CAMKMT: variants seen among roughly 807,000 people sequenced by gnomAD.
CAMKMT encodes the protein CaM KMT.
CAMKMT carries 53 observed loss-of-function variants against 48.0 expected under a neutral mutation model. That is an observed-to-expected ratio of 1.10 (90% CI 0.89 to 1.39). CAMKMT has a LOEUF of 1.39. Among genes scored for constraint, CAMKMT ranks in the 40% most tolerant of loss-of-function variants. The pLI, the probability that CAMKMT is intolerant of heterozygous loss-of-function variation, is 0.00. For synonymous variants in CAMKMT, 165 were observed against 152.3 expected, an observed-to-expected ratio of 1.08 and a Z score of -0.61; for missense variants, 428 against 402.7, an observed-to-expected ratio of 1.06 and a Z score of -0.54.
chr2:44,515,835 T>G (rs1261409245), intron 3 of CAMKMT, among the ~76,000 whole-genome samples: 2 of 152,200 alleles, frequency 1.3e-5, no homozygotes, highest in African/African-American at 2.4e-5. Flanking sequence ...AGCTTTAGTC[T>G]GTGGCTACTT....
intron 3 of CAMKMT, among the ~76,000 whole-genome samples, chr2:44,525,231 T>C (rs766601556): frequency 4.6e-5 from 7 of 152,174 alleles, no homozygotes; most frequent in Non-Finnish European, 8.8e-5. Flanking sequence ...ACAGTAACTA[T>C]TATAAAATTG....
At chr2:44,655,392 C>A (rs951722630) in intron 3 of CAMKMT, among the ~76,000 whole-genome samples, 1 of 152,104 alleles carries the variant, frequency 6.6e-6, no homozygotes, top group African/African-American at 2.4e-5. Flanking sequence ...AGCCTGGATG[C>A]TTTATTTGGC....
Position 44,422,014 on chromosome 2 carries a change from G to A in CAMKMT, c.376+31709G>A, listed in dbSNP as rs577379354. Among the ~76,000 whole-genome samples the A allele has an allele frequency of 1.8e-4, 28 of 152,282 alleles. No homozygotes were observed. The South Asian group carries it at 5.4e-3, about 29-fold the overall frequency. ...CAGGAACCTCTACACAGATCAACCT[G>A]CATGATACAGTTTGGATATATGTCC... On this transcript the variant is annotated intron_variant, in intron 3 of 10. Transcript: ENST00000378494.
At chr2:44,688,755 A>G (rs1676475625) in intron 3 of CAMKMT, among the ~76,000 whole-genome samples, 1 of 152,150 alleles carries the variant, frequency 6.6e-6, no homozygotes, top group African/African-American at 2.4e-5. Context: ...AAGACCTAAG[A>G]GAGGAAACTT....
intron 3 of CAMKMT, among the ~76,000 whole-genome samples, chr2:44,548,158 A>T (rs1667507760): frequency 6.6e-6 from 1 of 152,222 alleles, no homozygotes; most frequent in African/African-American, 2.4e-5. Flanking sequence ...TTTACTTAGC[A>T]TCCTACTATG....
chr2:44,400,915 T>C (rs952606188), intron 3 of CAMKMT: 11 of 137,250 alleles, frequency 8.0e-5, no homozygotes, highest in Non-Finnish European at 1.4e-4. Flanking sequence ...TATGTGCATG[T>C]ATACTTATGT....
intron 3 of CAMKMT, among the ~76,000 whole-genome samples, chr2:44,588,246 CACCCCGTCTGGGAAGTGAGGAGCGT>C: frequency 1.9e-5 from 1 of 51,952 alleles, no homozygotes; most frequent in Non-Finnish European, 4.7e-5. Flanking sequence ...GTCCGGCAGC[CACCCCGTCTGGGAAGTGAGGAGCGT>C]CTCCGCCCGG....
At chr2:44,368,958 CT>C (rs1678895406) in intron 1 of CAMKMT, among the ~76,000 whole-genome samples, 1 of 152,082 alleles carries the variant, frequency 6.6e-6, no homozygotes, top group African/African-American at 2.4e-5. Context: ...ATTCTCATGC[CT>C]TCTGTGCCTT....
At chr2:44,694,032 G>T (rs1023752231) in intron 3 of CAMKMT, among the ~76,000 whole-genome samples, 6 of 152,184 alleles carry the variant, frequency 3.9e-5, no homozygotes, top group African/African-American at 1.4e-4. Context: ...TGTCATCATG[G>T]AGCAAGTACA....
intron 3 of CAMKMT, among the ~76,000 whole-genome samples, chr2:44,506,890 C>CA (rs997723784): frequency 5.3e-5 from 8 of 151,990 alleles, no homozygotes; most frequent in Non-Finnish European, 1.2e-4. Context: ...TTATGCTGAT[C>CA]AAAAAATCTT....
At chr2:44,692,809 G>T (rs1047145307) in intron 3 of CAMKMT, among the ~76,000 whole-genome samples, 3 of 152,138 alleles carry the variant, frequency 2.0e-5, no homozygotes, top group Non-Finnish European at 4.4e-5. Flanking sequence ...AGCTCAGAAA[G>T]GATAAATTAC....
At chr2:44,639,606 T>C (rs1300856224) in intron 3 of CAMKMT, among the ~76,000 whole-genome samples, 1 of 152,232 alleles carries the variant, frequency 6.6e-6, no homozygotes, top group Non-Finnish European at 1.5e-5. Context: ...GAAAGCACTA[T>C]ACAAGTGTAG....
chr2:44,374,255 T>C (rs1214092418), intron 2 of CAMKMT, among the ~76,000 whole-genome samples: 1 of 152,136 alleles, frequency 6.6e-6, no homozygotes, highest in East Asian at 1.9e-4. Context: ...TGCCTTTTGA[T>C]GGAGATAATC....
At chr2:44,391,345 T>A (rs1681320833) in intron 3 of CAMKMT, among the ~76,000 whole-genome samples, 1 of 152,194 alleles carries the variant, frequency 6.6e-6, no homozygotes, top group Non-Finnish European at 1.5e-5. Flanking sequence ...TTATGGATAG[T>A]GACTGATGTG....
At position 44,622,918 on chromosome 2, in the gene CAMKMT, G is replaced by T. The variant is rs116233119; in HGVS notation, c.377-81365G>T. Among the ~76,000 whole-genome samples, 393 of 152,218 alleles carry T rather than the reference G, an allele frequency of 2.6e-3. 3 individuals carry two copies. Among genetic ancestry groups the T allele is most frequent in the African/African-American group, 9.0e-3 (376 of 41,552 alleles). ...TCTTTTCAGAAATCTCCAAACTTCT[G>T]TCCATGATGGTTGAACTGATATGCA... is the stretch of plus-strand genomic sequence containing the variant. On this transcript the variant is annotated intron_variant, in intron 3 of 10. Transcript: ENST00000378494.
intron 3 of CAMKMT, among the ~76,000 whole-genome samples, chr2:44,403,344 C>T (rs1157376514): frequency 6.6e-6 from 1 of 152,182 alleles, no homozygotes; most frequent in African/African-American, 2.4e-5. Flanking sequence ...CCTTGAGCTG[C>T]ACGAATGCCT....
intron 3 of CAMKMT, among the ~76,000 whole-genome samples, chr2:44,412,357 A>G (rs1683265954): frequency 1.3e-5 from 2 of 152,066 alleles, no homozygotes; most frequent in African/African-American, 4.8e-5. Flanking sequence ...TGTTTTTGAG[A>G]CAGAGTCTGG....
intron 3 of CAMKMT, among the ~76,000 whole-genome samples, chr2:44,501,890 G>A (rs1016478440): frequency 5.9e-5 from 9 of 151,876 alleles, no homozygotes; most frequent in Middle Eastern, 3.2e-3. Flanking sequence ...GGTTGGAGGC[G>A]AAACAAGAAT....
intron 3 of CAMKMT, among the ~76,000 whole-genome samples, chr2:44,654,918 T>C (rs1207959870): frequency 6.6e-6 from 1 of 152,240 alleles, no homozygotes; most frequent in Non-Finnish European, 1.5e-5. Flanking sequence ...TATCCTGTTA[T>C]GTACATGTAC....
Sources: gnomAD v4.1 joint callset for allele counts (sites outside exome capture counted in the v4.1 genomes callset) on GRCh38, gnomAD v4.1.1 for gene constraint, MANE v1.5 for transcripts, NCBI Gene and HGNC (gene_info 2026-07-23, HGNC 2026-07-21) for gene names.